Variants in GNAQ observed in about 807,000 individuals in gnomAD.
The protein encoded by GNAQ is guanine nucleotide-binding protein G(q) subunit alpha.
GNAQ carries 8 observed loss-of-function variants against 43.9 expected under a neutral mutation model. The observed-to-expected ratio is 0.18, with a 90% CI of 0.11 to 0.33. The LOEUF (loss-of-function observed/expected upper bound fraction) is 0.33. Among genes scored for constraint, GNAQ ranks in the 10% least tolerant of loss-of-function variants. GNAQ has a pLI of 1.00. For missense variants in GNAQ, 158 were observed against 450.8 expected, an observed-to-expected ratio of 0.35 and a Z score of 5.88; for synonymous variants, 155 against 170.7, an observed-to-expected ratio of 0.91 and a Z score of 0.71.
At chr9:78,016,108 A>G (rs1421318811) in intron 1 of GNAQ, among the ~76,000 whole-genome samples, 1 of 152,212 alleles carries the variant, frequency 6.6e-6, no homozygotes, top group African/African-American at 2.4e-5. Context: ...AAATCAACTC[A>G]AAGTGTAAGA....
At chr9:77,830,813 CA>C (rs1827285985) in intron 2 of GNAQ, among the ~76,000 whole-genome samples, 2 of 147,574 alleles carry the variant, frequency 1.4e-5, no homozygotes, top group Non-Finnish European at 3.0e-5. Context: ...ATTTTGCTGT[CA>C]AAACCACTGT....
intron 2 of GNAQ, among the ~76,000 whole-genome samples, chr9:77,823,653 C>A (rs528468448): frequency 6.6e-6 from 1 of 152,112 alleles, no homozygotes; most frequent in Non-Finnish European, 1.5e-5. Context: ...GAAGCAAGCA[C>A]GTCTTACCGT....
chr9:77,818,318 G>C (rs902024125), intron 2 of GNAQ, among the ~76,000 whole-genome samples: 1 of 152,038 alleles, frequency 6.6e-6, no homozygotes, highest in Non-Finnish European at 1.5e-5. Flanking sequence ...TTGCATTTAT[G>C]TAAGAGCTTT....
rs1211442107 is a variant in GNAQ, at chr9:77,716,418, T to C, written c.*4905A>G. On this transcript the variant is annotated 3_prime_UTR_variant, in exon 7 of 7. Coordinates refer to ENST00000286548, the MANE Select transcript of GNAQ (RefSeq NM_002072.5). Reference sequence around the variant, plus strand: ...AATGACATTTTAGGAACAGTAAATATTCTTTTAAATACTGCAAGTTAAAAA... The same window carrying C: ...AATGACATTTTAGGAACAGTAAATACTCTTTTAAATACTGCAAGTTAAAAA... 4.3e-6 allele frequency: 1 copy of C among 232,542 alleles called. No individual in the cohort carries two copies. The highest frequency in any genetic ancestry group is 8.5e-6 in the Non-Finnish European group (1 of 117,734). The allele number at this position is 232,542 out of a possible 1,614,324, so 14.4% of individuals were successfully genotyped here.
chr9:78,010,134 C>T (rs1188987238), intron 1 of GNAQ, among the ~76,000 whole-genome samples: 2 of 152,138 alleles, frequency 1.3e-5, no homozygotes, highest in African/African-American at 4.8e-5. Context: ...GGTTTCATTA[C>T]AGGTAATTTT....
intron 1 of GNAQ, among the ~76,000 whole-genome samples, chr9:78,009,422 T>C (rs1056523710): frequency 6.6e-6 from 1 of 152,128 alleles, no homozygotes; most frequent in Non-Finnish European, 1.5e-5. Context: ...AGAGCAGACG[T>C]CCCTCTCTCT....
rs147591578 is a variant in GNAQ at position 77,818,522 on chromosome 9, CT to C, written c.322-2753del. Among the ~76,000 whole-genome samples the C allele has an allele frequency of 1.3e-4, 19 of 150,200 alleles. No individual in the cohort carries two copies. The East Asian group carries it at 2.2e-3, about 17-fold the overall frequency. On this transcript the variant is annotated intron_variant, in intron 2 of 6. Coordinates refer to ENST00000286548, the MANE Select transcript of GNAQ (RefSeq NM_002072.5). ...TTAGAGTAGGAAGATAAATTAGATA[CT>C]TTTTTTCTATTTGTCCAAATGTCGA...
At chr9:77,826,737 C>T (rs147492079) in intron 2 of GNAQ, among the ~76,000 whole-genome samples, 1 of 152,302 alleles carries the variant, frequency 6.6e-6, no homozygotes, top group African/African-American at 2.4e-5. Flanking sequence ...AACTATGTCA[C>T]AGCACCGTTA....
intron 2 of GNAQ, among the ~76,000 whole-genome samples, chr9:77,842,189 T>G (rs1303691283): frequency 6.6e-6 from 1 of 152,216 alleles, no homozygotes; most frequent in Non-Finnish European, 1.5e-5. Flanking sequence ...TCCCCTATTC[T>G]AGCTTTCCTC....
rs558178541 is a variant in GNAQ at position 77,732,942 on chromosome 9, G to A, written c.736-4275C>T. Reference sequence around the variant, plus strand: ...AGGGAGGACCAAAGAGGCCACAAAGGCTGAGGACAGGCTGTAAGCTAGTGA... The same window carrying A: ...AGGGAGGACCAAAGAGGCCACAAAGACTGAGGACAGGCTGTAAGCTAGTGA... On this transcript the variant is annotated intron_variant, in intron 5 of 6. Transcript: ENST00000286548. Among the ~76,000 whole-genome samples the A allele has an allele frequency of 1.4e-4, 22 of 152,302 alleles. No homozygotes were observed. In the South Asian group the frequency reaches 4.6e-3, roughly 32 times the overall value.
At chr9:77,780,807 A>T (rs1826383359) in intron 5 of GNAQ, among the ~76,000 whole-genome samples, 1 of 152,090 alleles carries the variant, frequency 6.6e-6, no homozygotes, top group Admixed American at 6.5e-5. Flanking sequence ...GGCCTTCCTA[A>T]GTGGGGTGAG....
chr9:77,803,122 T>C (rs1181237080), intron 3 of GNAQ, among the ~76,000 whole-genome samples: 5 of 152,076 alleles, frequency 3.3e-5, no homozygotes, highest in African/African-American at 1.2e-4. Context: ...GGAAGTGCTG[T>C]AGTGGTTAGA....
intron 1 of GNAQ, among the ~76,000 whole-genome samples, chr9:78,021,636 C>G (rs1239732088): frequency 6.6e-6 from 1 of 152,178 alleles, no homozygotes; most frequent in Non-Finnish European, 1.5e-5. Flanking sequence ...TAGATGTGCC[C>G]TGCTGGGCAT....
intron 5 of GNAQ, among the ~76,000 whole-genome samples, chr9:77,747,491 A>C (rs1409344087): frequency 6.6e-6 from 1 of 152,182 alleles, no homozygotes; most frequent in Non-Finnish European, 1.5e-5. Context: ...TTAACTGAAG[A>C]CTTGACATTC....
chr9:77,804,315 T>A (rs1316579012), intron 3 of GNAQ, among the ~76,000 whole-genome samples: 1 of 152,198 alleles, frequency 6.6e-6, no homozygotes, highest in African/African-American at 2.4e-5. Context: ...AACAAAAAAT[T>A]AAAATTTAGA....
At chr9:77,985,828 T>C (rs1244301881) in intron 1 of GNAQ, among the ~76,000 whole-genome samples, 1 of 152,198 alleles carries the variant, frequency 6.6e-6, no homozygotes, top group Non-Finnish European at 1.5e-5. Flanking sequence ...CCTCAGGTGA[T>C]CCACCCGCTT....
At chr9:77,790,052 G>T (rs1049755269) in intron 5 of GNAQ, among the ~76,000 whole-genome samples, 1 of 152,156 alleles carries the variant, frequency 6.6e-6, no homozygotes, top group African/African-American at 2.4e-5. Flanking sequence ...AAAGAGGAAA[G>T]AGGTTAAATA....
intron 1 of GNAQ, among the ~76,000 whole-genome samples, chr9:78,013,151 A>G (rs1320692247): frequency 6.6e-6 from 1 of 152,192 alleles, no homozygotes; most frequent in Non-Finnish European, 1.5e-5. Flanking sequence ...AGTGATCTGA[A>G]CACCATAAAC....
chr9:77,846,024 T>A (rs1827579050), intron 2 of GNAQ, among the ~76,000 whole-genome samples: 3 of 152,096 alleles, frequency 2.0e-5, no homozygotes, highest in Admixed American at 1.3e-4. Context: ...ATGTGTATTA[T>A]CCTTGAGGAA....
Sources: gnomAD v4.1 joint callset for allele counts (sites outside exome capture counted in the v4.1 genomes callset) on GRCh38, gnomAD v4.1.1 for gene constraint, MANE v1.5 for transcripts, NCBI Gene and HGNC (gene_info 2026-07-23, HGNC 2026-07-21) for gene names.